Variants in JARID2 observed in about 807,000 individuals in gnomAD.
JARID2 encodes jumonji and AT-rich interaction domain containing 2, also known as protein Jumonji.
Under a neutral mutation model 125.6 loss-of-function variants are expected in JARID2, and 21 were observed. The observed-to-expected ratio is 0.17, with a 90% CI of 0.12 to 0.24. The LOEUF is 0.24. Ranked by LOEUF, JARID2 falls within the 10% of genes least tolerant of loss-of-function variation. The pLI, the probability that JARID2 is intolerant of heterozygous loss-of-function variation, is 1.00. For missense variants in JARID2, 1,303 were observed against 1,639.6 expected, an observed-to-expected ratio of 0.79 and a Z score of 3.55; for synonymous variants, 736 against 661.6, an observed-to-expected ratio of 1.11 and a Z score of -1.73.
intron 1 of JARID2, among the ~76,000 whole-genome samples, chr6:15,316,703 A>C (rs1161873992): frequency 6.6e-6 from 1 of 152,098 alleles, no homozygotes; most frequent in Admixed American, 6.5e-5. Flanking sequence ...GGGTTTCACC[A>C]TGTTGGCCAG....
chr6:15,339,858 A>G (rs554571839), intron 1 of JARID2, among the ~76,000 whole-genome samples: 8 of 152,118 alleles, frequency 5.3e-5, no homozygotes, highest in Non-Finnish European at 1.2e-4. Flanking sequence ...TCTAAAGTTT[A>G]TCTGCTCCCA....
intron 3 of JARID2, among the ~76,000 whole-genome samples, chr6:15,423,369 G>A (rs1016671443): frequency 3.3e-5 from 5 of 152,148 alleles, no homozygotes; most frequent in African/African-American, 1.2e-4. Context: ...GGACAGGATA[G>A]TGGTTTTGGC....
chr6:15,461,391 G>A (rs1430874240), intron 4 of JARID2, among the ~76,000 whole-genome samples: 3 of 152,148 alleles, frequency 2.0e-5, no homozygotes, highest in Non-Finnish European at 4.4e-5. Context: ...GGATTAGATA[G>A]GCACACCTGG....
intron 7 of JARID2, 24 bp downstream of exon 7, chr6:15,497,194 G>A (rs1472350811): frequency 6.6e-7 from 1 of 1,504,276 alleles, no homozygotes; most frequent in Non-Finnish European, 9.0e-7. Flanking sequence ...GGGGGTCAGG[G>A]GGTGGTGCCT....
chr6:15,507,935 A>G (rs1357814316), intron 11 of JARID2, among the ~76,000 whole-genome samples: 1 of 152,104 alleles, frequency 6.6e-6, no homozygotes. Flanking sequence ...TGCCCTACTC[A>G]CCCTGCTCAG....
chr6:15,520,570 A>C lies in JARID2; in HGVS notation c.*319A>C. 2 of 231,554 alleles carry C rather than the reference A, an allele frequency of 8.6e-6. No individual in the cohort carries two copies. Among genetic ancestry groups the C allele is most frequent in the South Asian group, 5.1e-5 (1 of 19,504 alleles). 14.3% of individuals were successfully genotyped at this position (231,554 alleles called of 1,614,324 possible). A position where few individuals can be genotyped will look rare whatever the true frequency, so the allele number is the denominator to read the frequency against. On this transcript the variant is annotated 3_prime_UTR_variant, in exon 18 of 18. Transcript: ENST00000341776. ...TTGGTTTTGATTTTTTTTTTTTTGT[A>C]ACTGTTGGGGGGAAAAAGGCTTTTT...
chr6:15,504,118 T>G (rs2127749843), intron 8 of JARID2, among the ~76,000 whole-genome samples: 1 of 149,520 alleles, frequency 6.7e-6, no homozygotes, highest in African/African-American at 2.4e-5. Flanking sequence ...TGCTGATAGC[T>G]TCTCCGCTGG....
intron 7 of JARID2, among the ~76,000 whole-genome samples, chr6:15,499,442 T>C (rs759817810): frequency 3.3e-5 from 5 of 152,196 alleles, no homozygotes; most frequent in Non-Finnish European, 5.9e-5. Context: ...TTTCAGGTGC[T>C]CTTGCGTTAT....
At chr6:15,298,049 TAGG>T (rs1761476658) in intron 1 of JARID2, among the ~76,000 whole-genome samples, 1 of 152,200 alleles carries the variant, frequency 6.6e-6, no homozygotes, top group African/African-American at 2.4e-5. Flanking sequence ...TTCCTCTTCT[TAGG>T]AGCTCTTTAG....
chr6:15,318,287 C>T (rs6903550), intron 1 of JARID2, among the ~76,000 whole-genome samples: 3,362 of 152,174 alleles, frequency 0.022, 136 homozygotes, highest in African/African-American at 0.076. Flanking sequence ...AACTCCAAGG[C>T]CCAGCTGGAG....
intron 1 of JARID2, among the ~76,000 whole-genome samples, chr6:15,313,923 C>CTTATA (rs1190693527): frequency 1.3e-5 from 2 of 152,126 alleles, no homozygotes; most frequent in Non-Finnish European, 2.9e-5. Context: ...CCCAAATATC[C>CTTATA]TTATACCTTC....
In JARID2 at chr6:15,504,531, G is replaced by A; in HGVS notation, c.2480G>A (p.Arg827Gln). The A allele has an allele frequency of 1.9e-6, 3 of 1,613,790 alleles. No homozygotes were observed. Among genetic ancestry groups the A allele is most frequent in the Non-Finnish European group, 1.7e-6 (2 of 1,179,830 alleles). ...GRSVSLTTFY[R>Q]TARNIMSMCF... ...TCTGTTTCTCTAACAACTTTTTATC[G>A]AACAGCGAGGAATATCATGAGCATG... Residue 827 changes from arginine to glutamine, a missense_variant, in exon 9 of 18, where the codon CGA (arginine) becomes CAA (glutamine). Arg to Gln is a conservative substitution (Grantham distance 43). This residue lies in a region of JARID2 where 29 missense variants were observed against 47.7 expected (regional missense o/e 0.61). Transcript: ENST00000341776.
At chr6:15,329,254 C>T (rs1190254693) in intron 1 of JARID2, among the ~76,000 whole-genome samples, 1 of 151,804 alleles carries the variant, frequency 6.6e-6, no homozygotes, top group African/African-American at 2.4e-5. Flanking sequence ...TCTTACTATC[C>T]CTTGGGACTC....
intron 1 of JARID2, among the ~76,000 whole-genome samples, chr6:15,349,263 G>C (rs1156369065): frequency 6.6e-6 from 1 of 152,116 alleles, no homozygotes; most frequent in Non-Finnish European, 1.5e-5. Flanking sequence ...ACTTTTTGTT[G>C]GAGGTGGGAG....
intron 1 of JARID2, among the ~76,000 whole-genome samples, chr6:15,305,160 C>A (rs1381978348): frequency 6.6e-6 from 1 of 152,290 alleles, no homozygotes; most frequent in South Asian, 2.1e-4. Flanking sequence ...GGCCTTCCAT[C>A]TTTTAAATCT....
intron 1 of JARID2, among the ~76,000 whole-genome samples, chr6:15,304,861 G>T (rs2127417438): frequency 6.6e-6 from 1 of 152,310 alleles, no homozygotes; most frequent in South Asian, 2.1e-4. Flanking sequence ...GGTTGAGGTG[G>T]TGCATCTTAT....
At position 15,369,282 on chromosome 6, in the gene JARID2, C is replaced by T. The variant is rs766046043; in HGVS notation, c.46-4835C>T. 25 of 458,630 alleles carry T rather than the reference C, an allele frequency of 5.5e-5. 2 individuals are homozygous for T. Among genetic ancestry groups the T allele is most frequent in the South Asian group, 3.8e-4 (24 of 63,654 alleles). 28.4% of individuals were successfully genotyped at this position (458,630 alleles called of 1,614,324 possible). A position where few individuals can be genotyped will look rare whatever the true frequency, so the allele number is the denominator to read the frequency against. Reference sequence around the variant, plus strand: ...CCACCTGTACCTTAACCACTTGGCACAGTGTTTTTTACTAATTTTAGTAAA... The same window carrying T: ...CCACCTGTACCTTAACCACTTGGCATAGTGTTTTTTACTAATTTTAGTAAA... On this transcript the variant is annotated intron_variant, in intron 1 of 17. Transcript: ENST00000341776.
At chr6:15,272,140 C>T (rs1760322041) in intron 1 of JARID2, among the ~76,000 whole-genome samples, 1 of 152,192 alleles carries the variant, frequency 6.6e-6, no homozygotes, top group Non-Finnish European at 1.5e-5. Flanking sequence ...AACGAAAAAA[C>T]AGCAGAAAAA....
intron 1 of JARID2, among the ~76,000 whole-genome samples, chr6:15,255,237 TG>T (rs1323598354): frequency 1.3e-5 from 2 of 150,450 alleles, no homozygotes; most frequent in Non-Finnish European, 2.9e-5. Context: ...CTCGAGTAGC[TG>T]GGACTACAGG....
Sources: allele counts gnomAD v4.1 joint callset (sites outside exome capture counted in the v4.1 genomes callset), GRCh38; gene constraint gnomAD v4.1.1; regional missense constraint gnomAD v4.1.1; transcripts MANE v1.5; gene names NCBI Gene and HGNC (gene_info 2026-07-23, HGNC 2026-07-21).